PKHD1: variants seen among roughly 807,000 people sequenced by gnomAD.
The protein encoded by PKHD1 is fibrocystin.
Under a neutral mutation model 412.0 loss-of-function variants are expected in PKHD1, and 291 were observed. The ratio of observed to expected loss-of-function variants is 0.71; its 90% CI spans 0.64 to 0.78. PKHD1 has a LOEUF of 0.78. Among genes scored for constraint, PKHD1 ranks in the 30% least tolerant of loss-of-function variants. The pLI is 0.00. For synonymous variants in PKHD1, 1,777 were observed against 1,821.5 expected (o/e 0.98, Z 0.62); for missense variants, 4,825 against 4,950.7 (o/e 0.97, Z 0.76).
chr6:51,666,989 A>G (rs901867861), intron 60 of PKHD1, among the ~76,000 whole-genome samples: 15 of 149,766 alleles, frequency 1.0e-4, no homozygotes, highest in African/African-American at 3.5e-4. Context: ...ATTGTGAATA[A>G]TGCCGCAATA....
intron 36 of PKHD1, among the ~76,000 whole-genome samples, chr6:51,957,399 G>A (rs1359447075): frequency 6.6e-6 from 1 of 152,112 alleles, no homozygotes; most frequent in East Asian, 1.9e-4. Flanking sequence ...CTACAAAAGT[G>A]TTCAGGAAAC....
chr6:51,744,160 A>G (rs1354508853), intron 60 of PKHD1, among the ~76,000 whole-genome samples: 1 of 152,200 alleles, frequency 6.6e-6, no homozygotes, highest in African/African-American at 2.4e-5. Flanking sequence ...CACTTTTGAC[A>G]TGGACACAGG....
intron 13 of PKHD1, among the ~76,000 whole-genome samples, chr6:52,063,448 C>G (rs1479585098): frequency 6.6e-6 from 1 of 152,144 alleles, no homozygotes; most frequent in Non-Finnish European, 1.5e-5. Context: ...GCCTGGAATA[C>G]AGTAAGTGCT....
intron 35 of PKHD1, among the ~76,000 whole-genome samples, chr6:51,979,932 T>C (rs1017594169): frequency 6.6e-6 from 1 of 152,186 alleles, no homozygotes; most frequent in African/African-American, 2.4e-5. Flanking sequence ...GGAGAAGCTA[T>C]CTTCTCTCAG....
At position 52,082,438 on chromosome 6, in the gene PKHD1, C is replaced by T. The variant is rs1381915649; in HGVS notation, c.235G>A (p.Val79Ile). 5 of 1,614,096 alleles carry T rather than the reference C, an allele frequency of 3.1e-6. No individual in the cohort carries two copies. Among genetic ancestry groups the T allele is most frequent in the South Asian group, 2.2e-5 (2 of 91,074 alleles). Residue 79 changes from valine (V) to isoleucine (I), a missense_variant, in exon 4 of 67, where the codon GTC becomes ATC. Val to Ile is a conservative substitution (Grantham distance 29). Coordinates refer to ENST00000371117, the MANE Select transcript of PKHD1 (RefSeq NM_138694.4). Reference sequence around the variant, plus strand: ...GGCAAATCCAAGAAAACAGGAAAGACGTCACAGGGAACACTCCGCAGTGCG... The same window carrying T: ...GGCAAATCCAAGAAAACAGGAAAGATGTCACAGGGAACACTCCGCAGTGCG... Reference protein sequence around the residue: ...VPALRSVPCDVFPVFLDLPVV... With the variant: ...VPALRSVPCDIFPVFLDLPVV...
intron 60 of PKHD1, among the ~76,000 whole-genome samples, chr6:51,682,613 T>C (rs528916577): frequency 2.4e-4 from 37 of 152,086 alleles, no homozygotes; most frequent in African/African-American, 8.2e-4. Context: ...GTCTTCTCCT[T>C]TGGAGGAAAA....
chr6:51,810,282 A>G (rs185183530), intron 52 of PKHD1, among the ~76,000 whole-genome samples: 1 of 152,230 alleles, frequency 6.6e-6, no homozygotes, highest in East Asian at 1.9e-4. Flanking sequence ...ACATACTGTA[A>G]TTGTTAACTC....
chr6:52,021,723 AT>A (rs1241438801), intron 33 of PKHD1, among the ~76,000 whole-genome samples: 1 of 151,940 alleles, frequency 6.6e-6, no homozygotes, highest in Non-Finnish European at 1.5e-5. Flanking sequence ...TTTAACAAAA[AT>A]TTTTTTCTCC....
chr6:51,889,419 G>T (rs532138640), intron 43 of PKHD1, among the ~76,000 whole-genome samples: 8 of 152,328 alleles, frequency 5.3e-5, no homozygotes, highest in African/African-American at 1.9e-4. Flanking sequence ...AAACTTTCGT[G>T]TGCAACCTGG....
chr6:51,974,450 T>C (rs75897880), intron 35 of PKHD1, among the ~76,000 whole-genome samples: 4,871 of 152,294 alleles, frequency 0.032, 119 homozygotes, highest in Middle Eastern at 0.058. Flanking sequence ...GTAATAGGCA[T>C]AGACTGTTGA....
chr6:52,002,898 T>G (rs1798610053), intron 35 of PKHD1, among the ~76,000 whole-genome samples: 1 of 152,066 alleles, frequency 6.6e-6, no homozygotes, highest in African/African-American at 2.4e-5. Context: ...AAACAAAAAG[T>G]GGGGATAAAA....
intron 28 of PKHD1, among the ~76,000 whole-genome samples, chr6:52,033,997 T>G (rs986654567): frequency 6.6e-6 from 1 of 151,746 alleles, no homozygotes; most frequent in African/African-American, 2.4e-5. Context: ...GGCATGGTGG[T>G]GCATGCCTGT....
chr6:51,926,979 G>A (rs540730441), intron 37 of PKHD1, among the ~76,000 whole-genome samples: 1 of 152,264 alleles, frequency 6.6e-6, no homozygotes, highest in Non-Finnish European at 1.5e-5. Context: ...CATGCTTGCT[G>A]ATGTTAACTC....
rs979374583 is a variant in PKHD1, at chr6:51,618,346, A to G, written c.*735T>C. 2 of 152,296 alleles carry G rather than the reference A, an allele frequency of 1.3e-5. No individual in the cohort carries two copies. Among genetic ancestry groups the G allele is most frequent in the African/African-American group, 4.8e-5 (2 of 41,404 alleles). The allele number at this position is 152,296 out of a possible 1,614,324, so 9.4% of individuals were successfully genotyped here. On this transcript the variant is annotated 3_prime_UTR_variant, in exon 67 of 67. Transcript: ENST00000371117. The stretch of plus-strand genomic sequence containing the variant: ...ACAGAGAGAATCACTGAAAAATAGA[A>G]CAGTGGTCATACAAAATTTCCTTTC...
At chr6:52,041,635 G>C (rs557398908) in intron 27 of PKHD1, among the ~76,000 whole-genome samples, 2 of 152,036 alleles carry the variant, frequency 1.3e-5, no homozygotes, top group African/African-American at 4.8e-5. Flanking sequence ...ATTTCTACCC[G>C]CTTGGCATAT....
chr6:51,753,252 C>G lies in PKHD1; in HGVS notation c.8899G>C (p.Gly2967Arg). The change falls in exon 57 of 67, where the codon GGG (glycine) becomes CGG (arginine). Residue 2967 changes from glycine (G) to arginine (R), a missense_variant. Physicochemically the swap from Gly to Arg is moderately radical, Grantham distance 125. Transcript: ENST00000371117. ...IQIQPDVSCRGRLFVGSFRKS... is the reference protein window; with the variant it reads ...IQIQPDVSCRRRLFVGSFRKS... ...CTGAAGGACCCCACAAACAGTCTCC[C>G]CCTACATGATACGTCAGGCTGAATT... 1 of 1,613,810 alleles carries G rather than the reference C, an allele frequency of 6.2e-7. No homozygotes were observed.
At chr6:51,753,115 T>C (rs949733961) in intron 57 of PKHD1, 86 bp downstream of exon 57, 62 of 1,211,004 alleles carry the variant, frequency 5.1e-5, no homozygotes, top group Non-Finnish European at 6.6e-5. Context: ...GTTTTATAAA[T>C]GAAAATTCTC....
chr6:51,866,434 C>T (rs1775073927), intron 48 of PKHD1, among the ~76,000 whole-genome samples: 1 of 152,072 alleles, frequency 6.6e-6, no homozygotes, highest in Admixed American at 6.6e-5. Context: ...CTTGTCAGTC[C>T]CCAAGTGGTG....
chr6:52,002,819 T>C lies in PKHD1; in HGVS notation c.5751+7490A>G, dbSNP rs113309248. On this transcript the variant is annotated intron_variant, in intron 35 of 66. Coordinates refer to ENST00000371117, the MANE Select transcript of PKHD1 (RefSeq NM_138694.4). ...TCAAATTAGCCTCTAAATAGCTATG[T>C]ATATTATAAAGAAAATATTAAATTT... is the stretch of plus-strand genomic sequence containing the variant. Among the ~76,000 whole-genome samples, 94 of 152,364 alleles carry C rather than the reference T, an allele frequency of 6.2e-4. 1 individual carries two copies. Among genetic ancestry groups the C allele is most frequent in the African/African-American group, 2.1e-3 (89 of 41,588 alleles).
Sources: allele counts gnomAD v4.1 joint callset (sites outside exome capture counted in the v4.1 genomes callset), GRCh38; gene constraint gnomAD v4.1.1; transcripts MANE v1.5; gene names NCBI Gene and HGNC (gene_info 2026-07-23, HGNC 2026-07-21).